Variants in HDAC9 observed in about 807,000 individuals in gnomAD.
HDAC9 encodes the protein MEF-2 interacting transcription repressor (MITR) protein.
Under a neutral mutation model 139.4 loss-of-function variants are expected in HDAC9, and 41 were observed. The ratio of observed to expected loss-of-function variants is 0.29; its 90% CI spans 0.23 to 0.38. The LOEUF is 0.38. HDAC9 is among the 10% of genes least tolerant of loss of function. The pLI is 1.00. For synonymous variants in HDAC9, 517 were observed against 476.2 expected (o/e 1.09, Z -1.12); for missense variants, 1,147 against 1,297.0 (o/e 0.88, Z 1.78).
At chr7:18,660,568 G>T in intron 11 of HDAC9, among the ~76,000 whole-genome samples, 1 of 152,236 alleles carries the variant, frequency 6.6e-6, no homozygotes, top group East Asian at 1.9e-4. Flanking sequence ...TATGCCCTAT[G>T]AGATTTATAT....
At chr7:18,915,444 G>A (rs994154115) in intron 22 of HDAC9, among the ~76,000 whole-genome samples, 1 of 151,708 alleles carries the variant, frequency 6.6e-6, no homozygotes, top group Non-Finnish European at 1.5e-5. Flanking sequence ...TAAAATAAAA[G>A]TAGAATGCCT....
chr7:18,635,838 T>A (rs895574751), intron 8 of HDAC9, among the ~76,000 whole-genome samples: 1 of 152,086 alleles, frequency 6.6e-6, no homozygotes, highest in Non-Finnish European at 1.5e-5. Context: ...ACACTTCTGC[T>A]TATAGGGAGC....
At chr7:18,310,105 G>A (rs1273745201) in intron 1 of HDAC9, among the ~76,000 whole-genome samples, 3 of 141,314 alleles carry the variant, frequency 2.1e-5, no homozygotes, top group Non-Finnish European at 4.6e-5. Flanking sequence ...CCCAGATAGT[G>A]TAGAGACTTT....
intron 19 of HDAC9, among the ~76,000 whole-genome samples, chr7:18,834,736 C>A (rs1234144840): frequency 6.6e-6 from 1 of 152,116 alleles, no homozygotes; most frequent in African/African-American, 2.4e-5. Flanking sequence ...TCTTGTGTTA[C>A]CGTTTTATCA....
At chr7:18,248,576 G>A (rs1439038424) in intron 2 of HDAC9, among the ~76,000 whole-genome samples, 2 of 152,048 alleles carry the variant, frequency 1.3e-5, no homozygotes, top group Admixed American at 6.6e-5. Context: ...ATTCCTTCTC[G>A]CATGCTACTC....
intron 17 of HDAC9, among the ~76,000 whole-genome samples, chr7:18,827,237 A>C (rs1214264106): frequency 7.2e-5 from 11 of 152,152 alleles, no homozygotes; most frequent in African/African-American, 2.7e-4. Context: ...CTAAATATTT[A>C]TAACAAAATG....
intron 1 of HDAC9, among the ~76,000 whole-genome samples, chr7:18,405,413 A>G (rs1787915641): frequency 6.6e-6 from 1 of 152,086 alleles, no homozygotes; most frequent in Non-Finnish European, 1.5e-5. Flanking sequence ...TTCTCCCCAT[A>G]ATCATCCCCC....
intron 2 of HDAC9, among the ~76,000 whole-genome samples, chr7:18,267,456 A>C (rs1796078618): frequency 6.6e-6 from 1 of 152,036 alleles, no homozygotes; most frequent in Non-Finnish European, 1.5e-5. Context: ...TCTTCCCCAC[A>C]ACACTGTTAT....
intron 2 of HDAC9, among the ~76,000 whole-genome samples, chr7:18,262,712 A>G (rs889573470): frequency 1.3e-5 from 2 of 152,234 alleles, no homozygotes; most frequent in Admixed American, 6.5e-5. Context: ...TTTGTGTAAC[A>G]ATAACACAAA....
intron 24 of HDAC9, among the ~76,000 whole-genome samples, chr7:18,961,100 C>G (rs1302146901): frequency 6.6e-6 from 1 of 151,930 alleles, no homozygotes; most frequent in East Asian, 1.9e-4. Flanking sequence ...GCCTTTTTTT[C>G]GTATGTCTCT....
intron 13 of HDAC9, among the ~76,000 whole-genome samples, chr7:18,746,491 T>A (rs1031101985): frequency 6.6e-6 from 1 of 152,160 alleles, no homozygotes; most frequent in African/African-American, 2.4e-5. Context: ...TGAAATTCCA[T>A]GTAGAAATAT....
At chr7:18,666,191 AC>A in intron 11 of HDAC9, 21 bp from the exon 12 acceptor site, 1 of 1,563,920 alleles carries the variant, frequency 6.4e-7, no homozygotes, top group Admixed American at 1.9e-5. Flanking sequence ...TGAATTTTGA[AC>A]CCCTGAACAC....
chr7:18,692,939 A>G (rs1782774058), intron 12 of HDAC9, among the ~76,000 whole-genome samples: 1 of 152,106 alleles, frequency 6.6e-6, no homozygotes, highest in African/African-American at 2.4e-5. Flanking sequence ...GATGATAAAT[A>G]CATTTTTTGT....
chr7:18,641,839 T>C (rs1000078795), intron 8 of HDAC9, among the ~76,000 whole-genome samples: 10 of 152,076 alleles, frequency 6.6e-5, no homozygotes, highest in Non-Finnish European at 1.0e-4. Context: ...CCCAATCTGT[T>C]AGTCTGACTT....
chr7:18,988,616 C>G (rs1311558591), intron 25 of HDAC9, among the ~76,000 whole-genome samples: 1 of 152,192 alleles, frequency 6.6e-6, no homozygotes, highest in Non-Finnish European at 1.5e-5. Flanking sequence ...CCTGAGTATC[C>G]TTGTTTACTT....
chr7:18,507,772 G>A (rs934426530), intron 2 of HDAC9, among the ~76,000 whole-genome samples: 4 of 152,182 alleles, frequency 2.6e-5, no homozygotes, highest in African/African-American at 9.6e-5. Flanking sequence ...AGATAAATAT[G>A]TTTTGTGTTT....
At chr7:18,525,602 C>T (rs867197958) in intron 2 of HDAC9, among the ~76,000 whole-genome samples, 1 of 152,144 alleles carries the variant, frequency 6.6e-6, no homozygotes, top group African/African-American at 2.4e-5. Flanking sequence ...TTAAAAGCTA[C>T]TGTTTATATA....
intron 2 of HDAC9, among the ~76,000 whole-genome samples, chr7:18,263,452 A>G (rs963909988): frequency 6.6e-6 from 1 of 152,156 alleles, no homozygotes; most frequent in African/African-American, 2.4e-5. Flanking sequence ...CCAAACATTT[A>G]CTGACTCAGG....
At chr7:18,362,828 A>G (rs1477993188) in intron 1 of HDAC9, among the ~76,000 whole-genome samples, 3 of 152,294 alleles carry the variant, frequency 2.0e-5, no homozygotes, top group Non-Finnish European at 4.4e-5. Flanking sequence ...TGAATAGTAA[A>G]GAGTTCTGGT....
Sources: gnomAD v4.1 joint callset for allele counts (sites outside exome capture counted in the v4.1 genomes callset) on GRCh38, gnomAD v4.1.1 for gene constraint, MANE v1.5 for transcripts, NCBI Gene and HGNC (gene_info 2026-07-23, HGNC 2026-07-21) for gene names.